Variants in ADGRL2 observed in about 807,000 individuals in gnomAD.
ADGRL2 encodes the protein calcium-independent alpha-latrotoxin receptor 2.
A neutral mutation model predicts 157.4 loss-of-function variants in ADGRL2; 44 were observed. That is an observed-to-expected ratio of 0.28 (90% CI 0.22 to 0.36). The LOEUF is 0.36. Among genes scored for constraint, ADGRL2 ranks in the 10% least tolerant of loss-of-function variants. The pLI, the probability that ADGRL2 is intolerant of heterozygous loss-of-function variation, is 1.00. For synonymous variants in ADGRL2, 585 were observed against 624.7 expected (o/e 0.94, Z 0.95); for missense variants, 1,510 against 1,768.9 (o/e 0.85, Z 2.63).
upstream of ADGRL2, among the ~76,000 whole-genome samples, chr1:81,799,550 TAC>T: frequency 6.6e-6 from 1 of 152,366 alleles, no homozygotes; most frequent in Middle Eastern, 3.4e-3. Flanking sequence ...ACTTTAGTAC[TAC>T]ACCTATCTGG....
chr1:81,767,107 G>T (rs1051350691), intron 2 of ADGRL2, among the ~76,000 whole-genome samples: 1 of 152,012 alleles, frequency 6.6e-6, no homozygotes, highest in African/African-American at 2.4e-5. Context: ...ATAGAAAGTT[G>T]TATTTATCTA....
At chr1:81,904,897 T>A (rs752099857) in intron 2 of ADGRL2, among the ~76,000 whole-genome samples, 29 of 151,852 alleles carry the variant, frequency 1.9e-4, no homozygotes, top group Non-Finnish European at 3.5e-4. Context: ...AAGAAAGAGT[T>A]ATAAAGACCC....
intron 2 of ADGRL2, among the ~76,000 whole-genome samples, chr1:81,504,559 G>A (rs2078927703): frequency 6.6e-6 from 1 of 151,856 alleles, no homozygotes; most frequent in South Asian, 2.1e-4. Context: ...CCAAAGCCAA[G>A]CAAGTGATTG....
intron 2 of ADGRL2, among the ~76,000 whole-genome samples, chr1:81,511,554 G>T (rs1308072214): frequency 6.6e-6 from 1 of 151,946 alleles, no homozygotes; most frequent in East Asian, 1.9e-4. Context: ...ATAATTATAG[G>T]TAACTTGCAC....
intron 1 of ADGRL2, among the ~76,000 whole-genome samples, chr1:81,383,082 A>G (rs2076371060): frequency 6.6e-6 from 1 of 152,110 alleles, no homozygotes; most frequent in Admixed American, 6.5e-5. Context: ...AGTTTGCACT[A>G]TTGTTCTCAT....
At chr1:81,783,307 T>C (rs1156610244) in intron 2 of ADGRL2, among the ~76,000 whole-genome samples, 1 of 152,016 alleles carries the variant, frequency 6.6e-6, no homozygotes, top group African/African-American at 2.4e-5. Context: ...TTTTTTGTAT[T>C]TTAGTAGAGA....
rs74098519 is a variant in ADGRL2 at position 81,942,348 on chromosome 1, T to G, written c.409+303T>G. Among the ~76,000 whole-genome samples, 809 of 152,002 alleles carry G rather than the reference T, an allele frequency of 5.3e-3. 6 individuals are homozygous for G. Among genetic ancestry groups the G allele is most frequent in the African/African-American group, 0.019 (781 of 41,532 alleles). Reference sequence around the variant, plus strand: ...TAATTAAAGTGTCATCTTGCCTGGCTTCCAGAACCCTCTCCATAGCATGCC... The same window carrying G: ...TAATTAAAGTGTCATCTTGCCTGGCGTCCAGAACCCTCTCCATAGCATGCC... On this transcript the variant is annotated intron_variant, in intron 5 of 23. Transcript: ENST00000686636.
intron 2 of ADGRL2, among the ~76,000 whole-genome samples, chr1:81,770,153 C>CTTTTTTTT (rs150798264): frequency 1.7e-5 from 1 of 59,584 alleles, no homozygotes; most frequent in Non-Finnish European, 2.9e-5. Flanking sequence ...CTGCACCCAG[C>CTTTTTTTT]TTTTTTTTTT....
chr1:81,747,036 A>C (rs1034369852), intron 1 of ADGRL2, among the ~76,000 whole-genome samples: 1 of 129,026 alleles, frequency 7.8e-6, no homozygotes, highest in African/African-American at 2.6e-5. Context: ...GTATATACGT[A>C]TATATATGTA....
At chr1:81,336,462 T>C (rs1228500626) in intron 1 of ADGRL2, among the ~76,000 whole-genome samples, 1 of 152,184 alleles carries the variant, frequency 6.6e-6, no homozygotes, top group African/African-American at 2.4e-5. Context: ...ACTGTGTCCA[T>C]TTCCTTGATC....
intron 1 of ADGRL2, among the ~76,000 whole-genome samples, chr1:81,751,986 T>C (rs1336147465): frequency 2.0e-5 from 3 of 152,236 alleles, no homozygotes; most frequent in East Asian, 1.9e-4. Context: ...TTACATGTTA[T>C]AAAGTTTTAT....
intron 1 of ADGRL2, among the ~76,000 whole-genome samples, chr1:81,321,268 A>G (rs980471396): frequency 6.6e-6 from 1 of 152,216 alleles, no homozygotes; most frequent in African/African-American, 2.4e-5. Context: ...TTCTATCCCG[A>G]CGACTAAAAC....
At chr1:81,452,398 A>T (rs904773353) in intron 2 of ADGRL2, among the ~76,000 whole-genome samples, 15 of 152,154 alleles carry the variant, frequency 9.9e-5, no homozygotes, top group African/African-American at 3.6e-4. Context: ...ACAGCCTTAC[A>T]CGATTTTACT....
chr1:81,555,132 T>A (rs936840823), intron 2 of ADGRL2, among the ~76,000 whole-genome samples: 1 of 151,940 alleles, frequency 6.6e-6, no homozygotes, highest in African/African-American at 2.4e-5. Context: ...ACAGGAGTAC[T>A]GCCAGTCAGA....
chr1:81,430,497 G>C (rs1245428381), intron 1 of ADGRL2, among the ~76,000 whole-genome samples: 2 of 152,108 alleles, frequency 1.3e-5, no homozygotes, highest in South Asian at 2.1e-4. Context: ...GGCTTGGTGT[G>C]TTTCAGGAAC....
At chr1:81,586,957 C>T (rs192949476) in intron 3 of ADGRL2, among the ~76,000 whole-genome samples, 22 of 152,102 alleles carry the variant, frequency 1.4e-4, no homozygotes, top group South Asian at 2.1e-4. Flanking sequence ...GATGGACTGA[C>T]GCTGTGGAGT....
At chr1:81,917,106 A>C (rs1388167781) in intron 3 of ADGRL2, among the ~76,000 whole-genome samples, 3 of 152,254 alleles carry the variant, frequency 2.0e-5, no homozygotes, top group East Asian at 3.9e-4. Flanking sequence ...CTGGAATTAC[A>C]AGCATGAGCA....
At chr1:81,578,905 G>T (rs961837975) in intron 2 of ADGRL2, among the ~76,000 whole-genome samples, 1 of 152,142 alleles carries the variant, frequency 6.6e-6, no homozygotes, top group African/African-American at 2.4e-5. Flanking sequence ...CTTGAAGAGA[G>T]ATGTTTTAGA....
At chr1:81,910,171 C>T (rs964182213) in intron 3 of ADGRL2, among the ~76,000 whole-genome samples, 8 of 151,496 alleles carry the variant, frequency 5.3e-5, no homozygotes, top group East Asian at 2.0e-4. Context: ...ACCCAAGAGA[C>T]GGAGGTTGCA....
Sources: gnomAD v4.1 joint callset for allele counts (sites outside exome capture counted in the v4.1 genomes callset) on GRCh38, gnomAD v4.1.1 for gene constraint, MANE v1.5 for transcripts, NCBI Gene and HGNC (gene_info 2026-07-23, HGNC 2026-07-21) for gene names.